Variants in DHX38 observed in about 807,000 individuals in gnomAD.
DHX38 encodes the protein pre-mRNA-splicing factor ATP-dependent RNA helicase PRP16.
Under a neutral mutation model 153.1 loss-of-function variants are expected in DHX38, and 100 were observed. The ratio of observed to expected loss-of-function variants is 0.65; its 90% CI spans 0.56 to 0.77. The LOEUF (loss-of-function observed/expected upper bound fraction) is 0.77. Ranked by LOEUF, DHX38 falls within the 30% of genes least tolerant of loss-of-function variation. The probability of loss-of-function intolerance (pLI) is 0.00; values close to 1 mark genes in which losing one functional copy is unlikely to be tolerated. For synonymous variants in DHX38, 650 were observed against 631.7 expected (o/e 1.03, Z -0.43); for missense variants, 1,440 against 1,654.0 (o/e 0.87, Z 2.24).
At chr16:72,096,716 G>A (rs2042024189) in intron 2 of DHX38, 106 bp from the exon 3 acceptor site, 1 of 1,498,564 alleles carries the variant, frequency 6.7e-7, no homozygotes, top group Admixed American at 2.2e-5. Flanking sequence ...GCGTCCCAGG[G>A]AGAGAAAGTG....
chr16:72,107,189 T>C lies in DHX38; in HGVS notation c.2601-151T>C. The C allele has an allele frequency of 1.3e-6, 1 of 768,168 alleles. No individual in the cohort carries two copies. The highest frequency in any genetic ancestry group is 2.9e-5 in the Admixed American group (1 of 34,402). 47.6% of individuals were successfully genotyped at this position (768,168 alleles called of 1,614,324 possible). ...CCAGAAGAAGGGCTAAATTGGCAGA[T>C]TGGAGTTTTGAATAGGTGGAAGTCA... On this transcript the variant is annotated intron_variant, in intron 19 of 26. Coordinates refer to ENST00000268482, the MANE Select transcript of DHX38 (RefSeq NM_014003.4). This position sits in a 1 kb window ranked among gnomAD's most constrained non-coding sequence, Gnocchi z 5.3.
At chr16:72,096,736 A>C (rs1297177039) in intron 2 of DHX38, 86 bp from the exon 3 acceptor site, 1 of 1,517,164 alleles carries the variant, frequency 6.6e-7, no homozygotes, top group Non-Finnish European at 8.8e-7. Flanking sequence ...GGAAAAGGAC[A>C]GATCACTTGT....
intron 21 of DHX38, 37 bp from the exon 22 acceptor site, chr16:72,108,190 C>G (rs766344335): frequency 6.2e-7 from 1 of 1,609,700 alleles, no homozygotes; most frequent in Non-Finnish European, 8.5e-7. Flanking sequence ...CCTGGACCCC[C>G]CTGTACTTAG....
At chr16:72,105,676 AG>A in intron 18 of DHX38, 52 bp downstream of exon 18, 3 of 1,588,646 alleles carry the variant, frequency 1.9e-6, no homozygotes, top group Non-Finnish European at 2.6e-6. Flanking sequence ...AAGCTAACTT[AG>A]CTGCGGGGTG....
rs780052691 is a variant in DHX38, at chr16:72,104,168, G to T, written c.2010+37G>T. 5 of 1,601,244 alleles carry T rather than the reference G, an allele frequency of 3.1e-6. No homozygotes were observed. The highest frequency in any genetic ancestry group is 2.7e-5 in the African/African-American group (2 of 74,702). On this transcript the variant is annotated intron_variant, in intron 14 of 26. Transcript: ENST00000268482. The surrounding 1 kb of genome is among the most constrained non-coding windows in gnomAD (Gnocchi z 4.5). ...GTGGTTTGGTCTCTCTGCGCATGGG[G>T]TGTTGACCAGTGCACCACCAGTAGC...
Position 72,104,221 on chromosome 16 carries a change from G to T in DHX38, c.2010+90G>T, listed in dbSNP as rs2042141190. 3.3e-6 allele frequency: 5 copies of T among 1,499,344 alleles called. No individual in the cohort carries two copies. The highest frequency in any genetic ancestry group is 4.5e-6 in the Non-Finnish European group (5 of 1,109,138). The allele number at this position is 1,499,344 out of a possible 1,614,324, so 92.9% of individuals were successfully genotyped here. ...GTGGGTTGCTCCAGGTGGGCTGAGG[G>T]GGTCTCTGGTAGGCCAGAGGTTCCT... On this transcript the variant is annotated intron_variant, in intron 14 of 26. Coordinates refer to ENST00000268482, the MANE Select transcript of DHX38 (RefSeq NM_014003.4). The surrounding 1 kb of genome is among the most constrained non-coding windows in gnomAD (Gnocchi z 4.5).
Position 72,108,621 on chromosome 16 carries a change from C to T in DHX38, c.3255+14C>T. ...GCCAAGCTCAAGGTGAACCCAGGAG[C>T]CCAGTGAGCCCCTCCCAGCCTGATA... On this transcript the variant is annotated intron_variant, in intron 23 of 26. Transcript: ENST00000268482. The T allele has an allele frequency of 6.2e-7, 1 of 1,611,470 alleles. No individual in the cohort carries two copies. The highest frequency in any genetic ancestry group is 8.5e-7 in the Non-Finnish European group (1 of 1,178,398).
chr16:72,109,660 TC>T, intron 25 of DHX38, 150 bp downstream of exon 25: 2 of 655,698 alleles, frequency 3.1e-6, no homozygotes, highest in Non-Finnish European at 4.7e-6. Context: ...TCTGTCTGAT[TC>T]CCCACCACCC....
intron 10 of DHX38, 93 bp downstream of exon 10, chr16:72,101,286 T>C: frequency 7.1e-7 from 1 of 1,406,198 alleles, no homozygotes; most frequent in Non-Finnish European, 9.9e-7. Flanking sequence ...AGATAGAAGT[T>C]AGGAGTCCCC....
Position 72,103,603 on chromosome 16 carries a change from G to C in DHX38, c.1639G>C (p.Asp547His). Residue 547 changes from aspartate (D) to histidine (H), a missense_variant and splice_region_variant, in exon 13 of 27, where the codon GAC (aspartate) becomes CAC (histidine). Asp to His is a moderately conservative substitution (Grantham distance 81, BLOSUM62 -1). This residue lies in a region of DHX38 where 241 missense variants were observed against 229.5 expected (regional missense o/e 1.05). Coordinates refer to ENST00000268482, the MANE Select transcript of DHX38 (RefSeq NM_014003.4). ...CCCTTTGCCTGCTTGTCCTTGTAGA[G>C]ACAACAGCATCGTGATCGTGGTTGG... ...VQQELLTIIR[D>H]NSIVIVVGET... The C allele has an allele frequency of 1.1e-5, 18 of 1,605,398 alleles. No individual in the cohort carries two copies. Among genetic ancestry groups the C allele is most frequent in the Non-Finnish European group, 1.5e-5 (18 of 1,172,656 alleles).
Position 72,096,340 on chromosome 16 carries a change from G to T in DHX38, c.183G>T (p.Glu61Asp). Residue 61 changes from glutamate (E) to aspartate (D), a missense_variant, in exon 2 of 27, where the codon GAG (glutamate) becomes GAT (aspartate). Glu to Asp is a conservative substitution (Grantham distance 45). This residue lies in a region of DHX38 where 483 missense variants were observed against 465.1 expected (regional missense o/e 1.04). Coordinates refer to ENST00000268482, the MANE Select transcript of DHX38 (RefSeq NM_014003.4). ...LDLLASLKRR[E>D]REEKDDGEDK... ...TGCTGGCTTCCCTGAAACGGAGAGA[G>T]CGAGAGGAGAAGGACGATGGGGAGG... is the stretch of plus-strand genomic sequence containing the variant. The T allele has an allele frequency of 1.9e-6, 3 of 1,614,208 alleles. No homozygotes were observed. Among genetic ancestry groups the T allele is most frequent in the Non-Finnish European group, 2.5e-6 (3 of 1,180,024 alleles).
Position 72,100,536 on chromosome 16 carries a change from A to T in DHX38, c.1217A>T (p.His406Leu). Residue 406 changes from histidine to leucine, a missense_variant, in exon 9 of 27, where the codon CAT (histidine) becomes CTT (leucine). By Grantham distance (99) the His-to-Leu change is moderately conservative. Coordinates refer to ENST00000268482, the MANE Select transcript of DHX38 (RefSeq NM_014003.4). ...GAAGAGGACAACGCGGCCAAGGTGC[A>T]TCTGATGGTGCACAATCTGGTGCCT... ...DFEEDNAAKV[H>L]LMVHNLVPPF... The T allele has an allele frequency of 6.2e-7, 1 of 1,614,168 alleles. No homozygotes were observed. The highest frequency in any genetic ancestry group is 8.5e-7 in the Non-Finnish European group (1 of 1,180,034).
intron 26 of DHX38, 118 bp from the exon 27 acceptor site, chr16:72,112,295 G>T: frequency 1.0e-6 from 1 of 953,026 alleles, no homozygotes; most frequent in African/African-American, 1.6e-5. Flanking sequence ...GAGATCCCTC[G>T]GCCCAGAGCT....
At position 72,103,707 on chromosome 16, in the gene DHX38, G is replaced by A; in HGVS notation, c.1743G>A (p.Gly581=). 6.2e-7 allele frequency: 1 copy of A among 1,614,194 alleles called. No individual in the cohort carries two copies. ...EDGYTDYGMI[G]CTQPRRVAAM... is the part of the protein sequence containing the mutation. Reference sequence around the variant, plus strand: ...GTTACACGGACTATGGGATGATTGGGTGTACCCAGCCCCGGCGTGTAGCTG... The same window carrying A: ...GTTACACGGACTATGGGATGATTGGATGTACCCAGCCCCGGCGTGTAGCTG... The change falls in exon 13 of 27, where the codon GGG becomes GGA. Residue 581 remains glycine, a synonymous_variant. Transcript: ENST00000268482.
Position 72,101,628 on chromosome 16 carries a change from C to G in DHX38, c.1499+16C>G. On this transcript the variant is annotated intron_variant, in intron 11 of 26. Transcript: ENST00000268482. ...TGGACTACAGGTGGGCAGCCTCAGC[C>G]AGCAGCACATCAGCCTTGCTCCAAA... 2.6e-6 allele frequency: 4 copies of G among 1,547,468 alleles called. No individual in the cohort carries two copies. Among genetic ancestry groups the G allele is most frequent in the African/African-American group, 1.4e-5 (1 of 73,082 alleles).
intron 13 of DHX38, 37 bp downstream of exon 13, chr16:72,103,825 C>T (rs1391925999): frequency 6.3e-7 from 1 of 1,598,860 alleles, no homozygotes; most frequent in Admixed American, 1.7e-5. Flanking sequence ...GTAGTTATTC[C>T]CTAGTAGCTT....
Position 72,107,320 on chromosome 16 carries a change from T to C in DHX38, c.2601-20T>C. 1 of 1,594,860 alleles carries C rather than the reference T, an allele frequency of 6.3e-7. No homozygotes were observed. Among genetic ancestry groups the C allele is most frequent in the Non-Finnish European group, 8.5e-7 (1 of 1,174,640 alleles). On this transcript the variant is annotated intron_variant, in intron 19 of 26. Coordinates refer to ENST00000268482, the MANE Select transcript of DHX38 (RefSeq NM_014003.4). This position sits in a 1 kb window ranked among gnomAD's most constrained non-coding sequence, Gnocchi z 5.3. ...GTGGGGTTTCCTTGTGGTGAGAAGA[T>C]GGGGTCTTCTCCCCGGCAGGCTCTA...
chr16:72,105,674 T>G, intron 18 of DHX38, 50 bp downstream of exon 18: 2 of 1,591,202 alleles, frequency 1.3e-6, no homozygotes. Context: ...AGAAGCTAAC[T>G]TAGCTGCGGG....
At chr16:72,100,697 G>C in intron 9 of DHX38, 100 bp downstream of exon 9, 1 of 1,499,488 alleles carries the variant, frequency 6.7e-7, no homozygotes, top group Non-Finnish European at 9.0e-7. Context: ...TTGGGAGGCT[G>C]AGGAGGGTGG....
Sources: allele counts gnomAD v4.1 joint callset, GRCh38; gene constraint gnomAD v4.1.1; regional missense constraint gnomAD v4.1.1; non-coding constraint Gnocchi (gnomAD v3.1); transcripts MANE v1.5; gene names NCBI Gene and HGNC (gene_info 2026-07-23, HGNC 2026-07-21).